SLC12A5: variants seen among roughly 807,000 people sequenced by gnomAD.
The protein encoded by SLC12A5 is solute carrier family 12 member 5.
Under a neutral mutation model 124.0 loss-of-function variants are expected in SLC12A5, and 18 were observed. The observed-to-expected ratio is 0.15, with a 90% confidence interval of 0.10 to 0.22. The LOEUF is 0.22. Ranked by LOEUF, SLC12A5 falls within the 10% of genes least tolerant of loss-of-function variation. The pLI is 1.00. For missense variants in SLC12A5, 867 were observed against 1,478.7 expected (o/e 0.59, Z 6.78); for synonymous variants, 589 against 568.0 (o/e 1.04, Z -0.53).
At chr20:46,040,973 A>C in intron 7 of SLC12A5, 2 of 390,184 alleles carry the variant, frequency 5.1e-6, no homozygotes, top group Admixed American at 4.2e-5. Context: ...GTGTTGGACA[A>C]CTCCTCCAGG....
chr20:46,036,161 G>T (rs923703469), intron 4 of SLC12A5: 1 of 459,974 alleles, frequency 2.2e-6, no homozygotes, highest in Non-Finnish European at 3.8e-6. Context: ...AAGTGATGCA[G>T]CTCATTGATG....
At chr20:46,029,210 C>T (rs971497652), upstream of SLC12A5, 34 of 1,436,602 alleles carry the variant, frequency 2.4e-5, no homozygotes, top group Non-Finnish European at 3.0e-5. Context: ...GCCGGGCGGG[C>T]GGGCACTGCA....
Position 46,054,896 on chromosome 20 carries a change from C to T in SLC12A5, c.2680-20C>T. 1 of 1,601,872 alleles carries T rather than the reference C, an allele frequency of 6.2e-7. No homozygotes were observed. The highest frequency in any genetic ancestry group is 8.6e-7 in the Non-Finnish European group (1 of 1,169,190). ...TGTTCCTCTCCCCACCCCCCAACCC[C>T]AACCTCTGTCTGCCCACAGCATGAG... On this transcript the variant is annotated intron_variant, in intron 20 of 25. Transcript: ENST00000243964.
Position 46,053,153 on chromosome 20 carries a change from C to G in SLC12A5, c.2547+27C>G. ...TGAGTTGTGTGCGTGAGTGTATGCA[C>G]GTGTGAGTGTGTGTATGCATGTATG... On this transcript the variant is annotated intron_variant, in intron 19 of 25. Transcript: ENST00000243964. This position sits in a 1 kb window ranked among gnomAD's most constrained non-coding sequence, Gnocchi z 4.7. 6.3e-7 allele frequency: 1 copy of G among 1,594,496 alleles called. No homozygotes were observed. Among genetic ancestry groups the G allele is most frequent in the Non-Finnish European group, 8.6e-7 (1 of 1,164,016 alleles).
At chr20:46,032,361 C>T (rs146445437) in intron 1 of SLC12A5, among the ~76,000 whole-genome samples, 4 of 152,358 alleles carry the variant, frequency 2.6e-5, no homozygotes, top group African/African-American at 7.2e-5. Flanking sequence ...GTCTGGTTGT[C>T]CTGGCCCTAA....
chr20:46,051,003 G>C (rs2084641652), intron 17 of SLC12A5, among the ~76,000 whole-genome samples: 1 of 152,152 alleles, frequency 6.6e-6, no homozygotes, highest in South Asian at 2.1e-4. Flanking sequence ...ACACAGCCAG[G>C]AGGTGGCAGA....
rs568524737 is a variant in SLC12A5, at chr20:46,058,659, C to G, written c.*1054C>G. 1 of 398,952 alleles carries G rather than the reference C, an allele frequency of 2.5e-6. No homozygotes were observed. Among genetic ancestry groups the G allele is most frequent in the African/African-American group, 2.1e-5 (1 of 48,622 alleles). The allele number at this position is 398,952 out of a possible 1,614,324, so 24.7% of individuals were successfully genotyped here. A position where few individuals can be genotyped will look rare whatever the true frequency, so the allele number is the denominator to read the frequency against. Reference sequence around the variant, plus strand: ...TCGGCTTGTCGCCTGCTCCCCGTATCCCATGGCTCCTCGCCAAAGACTGAA... The same window carrying G: ...TCGGCTTGTCGCCTGCTCCCCGTATGCCATGGCTCCTCGCCAAAGACTGAA... On this transcript the variant is annotated 3_prime_UTR_variant, in exon 26 of 26. Coordinates refer to ENST00000243964, the MANE Select transcript of SLC12A5 (RefSeq NM_020708.5). This position sits in a 1 kb window ranked among gnomAD's most constrained non-coding sequence, Gnocchi z 5.8.
upstream of SLC12A5, chr20:46,029,005 C>G (rs1187598026): frequency 3.5e-6 from 2 of 564,512 alleles, no homozygotes; most frequent in Non-Finnish European, 4.9e-6. Context: ...CCACGCAATC[C>G]CCCAGTTTTT....
chr20:46,032,219 C>A (rs1035098500), intron 1 of SLC12A5, among the ~76,000 whole-genome samples: 1 of 152,218 alleles, frequency 6.6e-6, no homozygotes, highest in East Asian at 1.9e-4. Flanking sequence ...CCATGGAGAC[C>A]GGCGCGGGGC....
In SLC12A5 at chr20:46,059,872, C is replaced by T. The variant is rs1486123451; in HGVS notation, c.*2267C>T. 3 of 380,620 alleles carry T rather than the reference C, an allele frequency of 7.9e-6. No homozygotes were observed. The highest frequency in any genetic ancestry group is 1.4e-5 in the Non-Finnish European group (3 of 215,116). 23.6% of individuals were successfully genotyped at this position (380,620 alleles called of 1,614,324 possible). On this transcript the variant is annotated 3_prime_UTR_variant, in exon 26 of 26. Coordinates refer to ENST00000243964, the MANE Select transcript of SLC12A5 (RefSeq NM_020708.5). ...AGGGCAATGCAATGAAGTTGAAAAC[C>T]CTTGTAAATAGGAGAGGTTGCAAAC...
intron 13 of SLC12A5, 29 bp downstream of exon 13, chr20:46,046,025 C>A: frequency 1.9e-6 from 3 of 1,597,000 alleles, no homozygotes; most frequent in East Asian, 2.2e-5. Flanking sequence ...GCCCTCCCCC[C>A]TGGTTCAGGG....
chr20:46,038,671 T>C (rs1342917370), intron 6 of SLC12A5, among the ~76,000 whole-genome samples: 1 of 152,192 alleles, frequency 6.6e-6, no homozygotes, highest in Non-Finnish European at 1.5e-5. Flanking sequence ...ATAGTTAACA[T>C]ATGGTAGGTC....
At chr20:46,041,070 C>T (rs1222351255) in intron 7 of SLC12A5, 7 of 437,318 alleles carry the variant, frequency 1.6e-5, no homozygotes, top group African/African-American at 4.0e-5. Context: ...GGGCGGCCCC[C>T]GAGACCGCTG....
rs773637590 is a variant in SLC12A5 at position 46,040,639 on chromosome 20, A to G, written c.854+25A>G. The stretch of plus-strand genomic sequence containing the variant: ...CGTGAGTGCTGCTGCTCTGAGCCCA[A>G]GGAATCGTCCTCCTACCTCCCTGGC... On this transcript the variant is annotated intron_variant, in intron 7 of 25. Transcript: ENST00000243964. 6.2e-6 allele frequency: 10 copies of G among 1,610,494 alleles called. No homozygotes were observed. The Middle Eastern group carries it at 8.2e-4, about 133-fold the overall frequency.
chr20:46,021,963 AG>A (rs2084359339), intron 1 of SLC12A5: 1 of 1,325,256 alleles, frequency 7.5e-7, no homozygotes, highest in Non-Finnish European at 9.9e-7. Context: ...CGTCTGTTGA[AG>A]GGGGCAGGGC....
At position 46,045,841 on chromosome 20, in the gene SLC12A5, T is replaced by G; in HGVS notation, c.1570-37T>G. The G allele has an allele frequency of 7.0e-6, 11 of 1,561,768 alleles. No individual in the cohort carries two copies. The highest frequency in any genetic ancestry group is 1.4e-5 in the African/African-American group (1 of 73,876). ...CTAGGGGAGAGGGCTGAGAAATCCT[T>G]GAGGTCTCAGTCCCATGATGATTGC... On this transcript the variant is annotated intron_variant, in intron 12 of 25. Transcript: ENST00000243964. The surrounding 1 kb of genome is among the most constrained non-coding windows in gnomAD (Gnocchi z 4.9).
intron 1 of SLC12A5, chr20:46,022,091 A>C (rs2084360846): frequency 3.2e-4 from 108 of 336,030 alleles, no homozygotes; most frequent in Middle Eastern, 1.2e-3. Context: ...GAGGGGCCAA[A>C]CGCGAGGTGG....
At chr20:46,046,909 C>G (rs2084600776) in intron 14 of SLC12A5, among the ~76,000 whole-genome samples, 1 of 152,254 alleles carries the variant, frequency 6.6e-6, no homozygotes, top group Non-Finnish European at 1.5e-5. Flanking sequence ...GTTCTCTCAT[C>G]ATTTTCCTCT....
At chr20:46,034,331 A>T (rs1177894367) in intron 1 of SLC12A5, among the ~76,000 whole-genome samples, 1 of 152,152 alleles carries the variant, frequency 6.6e-6, no homozygotes. Flanking sequence ...CAGTCCCTTG[A>T]TCTTCTATCC....
Sources: gnomAD v4.1 joint callset for allele counts (sites outside exome capture counted in the v4.1 genomes callset) on GRCh38, gnomAD v4.1.1 for gene constraint, Gnocchi (gnomAD v3.1) non-coding constraint, MANE v1.5 for transcripts, NCBI Gene and HGNC (gene_info 2026-07-23, HGNC 2026-07-21) for gene names.